The following ADAMTS9 variants were observed in gnomAD, a reference collection of about 807,000 sequenced individuals.
The protein encoded by ADAMTS9 is ADAM metallopeptidase with thrombospondin type 1 motif 9.
A neutral mutation model predicts 257.1 loss-of-function variants in ADAMTS9; 107 were observed. The ratio of observed to expected loss-of-function variants is 0.42; its 90% CI spans 0.36 to 0.49. ADAMTS9 has a LOEUF of 0.49. Ranked by LOEUF, ADAMTS9 falls within the 20% of genes least tolerant of loss-of-function variation. ADAMTS9 has a pLI of 0.03. For missense variants in ADAMTS9, 2,353 were observed against 2,469.1 expected, an observed-to-expected ratio of 0.95 and a Z score of 1.00; for synonymous variants, 982 against 880.9, an observed-to-expected ratio of 1.11 and a Z score of -2.03.
rs370999902 is a variant in ADAMTS9 at position 64,613,334 on chromosome 3, G to A, written c.3354+11C>T. 69 of 1,612,192 alleles carry A rather than the reference G, an allele frequency of 4.3e-5. No homozygotes were observed. The South Asian group carries it at 4.6e-4, about 11-fold the overall frequency. On this transcript the variant is annotated intron_variant, in intron 22 of 39. Coordinates refer to ENST00000498707, the MANE Select transcript of ADAMTS9 (RefSeq NM_182920.2). ...GAATGTAGCAGTTAAGAATCTTATC[G>A]TTCAAAATACCTGTCCCCAGGGACC...
intron 39 of ADAMTS9, among the ~76,000 whole-genome samples, chr3:64,520,636 A>T (rs1449071203): frequency 6.6e-6 from 1 of 152,218 alleles, no homozygotes; most frequent in Non-Finnish European, 1.5e-5. Flanking sequence ...GAACCCAGAA[A>T]TAAAGCTATA....
Position 64,568,343 on chromosome 3 carries a change from T to C in ADAMTS9, c.4524+25A>G, listed in dbSNP as rs771253564. 5 of 1,590,644 alleles carry C rather than the reference T, an allele frequency of 3.1e-6. No homozygotes were observed. In the Admixed American group the frequency reaches 7.5e-5, roughly 24 times the overall value. ...CACGTGGCCAAACGTAAGGAAGCAGTCAGTAGAGGAGAAGCATTGCTCACC... is the reference window on the plus strand; with the variant it reads ...CACGTGGCCAAACGTAAGGAAGCAGCCAGTAGAGGAGAAGCATTGCTCACC... On this transcript the variant is annotated intron_variant, in intron 29 of 39. Coordinates refer to ENST00000498707, the MANE Select transcript of ADAMTS9 (RefSeq NM_182920.2).
chr3:64,569,737 T>C (rs1337113313), intron 28 of ADAMTS9, among the ~76,000 whole-genome samples: 1 of 152,230 alleles, frequency 6.6e-6, no homozygotes, highest in Admixed American at 6.5e-5. Flanking sequence ...GAAGTACGTA[T>C]ATTAATACAT....
At chr3:64,600,330 T>C (rs1436105290) in intron 26 of ADAMTS9, among the ~76,000 whole-genome samples, 1 of 152,114 alleles carries the variant, frequency 6.6e-6, no homozygotes, top group Non-Finnish European at 1.5e-5. Context: ...GAAAATCACA[T>C]TGTCCAGCTT....
chr3:64,594,042 TC>T, intron 28 of ADAMTS9, among the ~76,000 whole-genome samples: 1 of 151,540 alleles, frequency 6.6e-6, no homozygotes, highest in South Asian at 2.1e-4. Context: ...TGGCACCAGG[TC>T]CTGTATGAGG....
chr3:64,579,826 C>G (rs989465678), intron 28 of ADAMTS9, among the ~76,000 whole-genome samples: 1 of 152,160 alleles, frequency 6.6e-6, no homozygotes. Flanking sequence ...CAGTCCAAAA[C>G]TAGCCACATA....
intron 23 of ADAMTS9, among the ~76,000 whole-genome samples, chr3:64,604,857 C>G (rs554774773): frequency 6.6e-6 from 1 of 152,136 alleles, no homozygotes; most frequent in Admixed American, 6.5e-5. Flanking sequence ...CATATAACAC[C>G]CCTCAATCAT....
chr3:64,597,570 G>A (rs376057768), intron 26 of ADAMTS9, among the ~76,000 whole-genome samples: 2 of 152,146 alleles, frequency 1.3e-5, no homozygotes, highest in South Asian at 4.2e-4. Context: ...CCTGAACTTC[G>A]GTGGCTAATG....
intron 30 of ADAMTS9, among the ~76,000 whole-genome samples, chr3:64,559,304 T>C (rs548626216): frequency 1.3e-5 from 2 of 152,190 alleles, no homozygotes; most frequent in South Asian, 4.2e-4. Context: ...GTGGGGCTTC[T>C]CCCCACCTCC....
intron 28 of ADAMTS9, among the ~76,000 whole-genome samples, chr3:64,577,958 A>T (rs1398854526): frequency 2.6e-5 from 4 of 152,200 alleles, no homozygotes; most frequent in Non-Finnish European, 5.9e-5. Context: ...CTCATTGTGA[A>T]AGGAGCATCT....
At chr3:64,634,832 A>T (rs1405995619) in intron 12 of ADAMTS9, among the ~76,000 whole-genome samples, 1 of 152,170 alleles carries the variant, frequency 6.6e-6, no homozygotes, top group Non-Finnish European at 1.5e-5. Context: ...TGGACTATAA[A>T]AAATGGGTTT....
intron 3 of ADAMTS9, among the ~76,000 whole-genome samples, chr3:64,667,719 T>C (rs1289549658): frequency 1.3e-5 from 2 of 152,166 alleles, no homozygotes; most frequent in Admixed American, 6.5e-5. Flanking sequence ...ATAACAACAA[T>C]GACTATAGGC....
Position 64,551,012 on chromosome 3 carries a change from C to G in ADAMTS9, c.4749G>C (p.Val1583=). The G allele has an allele frequency of 6.2e-7, 1 of 1,614,182 alleles. No homozygotes were observed. The highest frequency in any genetic ancestry group is 8.5e-7 in the Non-Finnish European group (1 of 1,180,018). The part of the protein sequence containing the change: ...EGSRYRKVVC[V]DDNKNEVHGA... ...CATGCACCTCGTTTTTGTTGTCATC[C>G]ACACACACCACCTTGCGGTACCTGG... is the stretch of plus-strand genomic sequence containing the variant. The change falls in exon 31 of 40, where the codon GTG becomes GTC. Residue 1583 remains valine, a synonymous_variant. Coordinates refer to ENST00000498707, the MANE Select transcript of ADAMTS9 (RefSeq NM_182920.2).
chr3:64,572,061 C>T (rs200831351), intron 28 of ADAMTS9, among the ~76,000 whole-genome samples: 4 of 101,406 alleles, frequency 3.9e-5, no homozygotes, highest in Non-Finnish European at 6.9e-5. Flanking sequence ...CAAAAAGCCT[C>T]CTACTTTGCC....
intron 31 of ADAMTS9, 39 bp downstream of exon 31, chr3:64,550,853 T>C (rs2083261131): frequency 6.2e-7 from 1 of 1,611,432 alleles, no homozygotes; most frequent in Non-Finnish European, 8.5e-7. Flanking sequence ...TCTCAGGCCA[T>C]GGCTGAGCTG....
At chr3:64,600,095 A>G (rs1276853384) in intron 26 of ADAMTS9, among the ~76,000 whole-genome samples, 1 of 138,196 alleles carries the variant, frequency 7.2e-6, no homozygotes, top group African/African-American at 2.8e-5. Flanking sequence ...TTGCTAACAC[A>G]CCTTGCTCAA....
chr3:64,523,651 T>A (rs576608878), intron 38 of ADAMTS9, among the ~76,000 whole-genome samples: 2 of 152,312 alleles, frequency 1.3e-5, no homozygotes, highest in South Asian at 4.1e-4. Flanking sequence ...TGCAGGTACT[T>A]TGTGGAAAAT....
At chr3:64,590,395 T>G (rs1045258635) in intron 28 of ADAMTS9, among the ~76,000 whole-genome samples, 11 of 152,184 alleles carry the variant, frequency 7.2e-5, no homozygotes, top group African/African-American at 2.7e-4. Flanking sequence ...CCTACTTGCC[T>G]TTACAGTCTG....
chr3:64,549,748 G>A (rs2106929400), intron 31 of ADAMTS9, among the ~76,000 whole-genome samples: 1 of 152,250 alleles, frequency 6.6e-6, no homozygotes, highest in South Asian at 2.1e-4. Flanking sequence ...CTGGCCAGTA[G>A]GGTCCCCTTT....
Sources: gnomAD v4.1 joint callset for allele counts (sites outside exome capture counted in the v4.1 genomes callset) on GRCh38, gnomAD v4.1.1 for gene constraint, MANE v1.5 for transcripts, NCBI Gene and HGNC (gene_info 2026-07-23, HGNC 2026-07-21) for gene names.